The following FBN1 variants were observed in gnomAD, a reference collection of about 807,000 sequenced individuals.
FBN1 encodes fibrillin-1.
In FBN1, 29 loss-of-function variants were observed where a neutral mutation model predicts 365.1. That is an observed-to-expected ratio of 0.08 (90% confidence interval 0.06 to 0.11). The LOEUF (loss-of-function observed/expected upper bound fraction) is 0.11. Among genes scored for constraint, FBN1 ranks in the 10% least tolerant of loss-of-function variants. FBN1 has a pLI of 1.00. For missense variants in FBN1, 2,476 were observed against 3,703.2 expected (o/e 0.67, Z 8.60); for synonymous variants, 1,210 against 1,270.5 (o/e 0.95, Z 1.01).
intron 6 of FBN1, among the ~76,000 whole-genome samples, chr15:48,576,064 A>C (rs1297722606): frequency 6.6e-6 from 1 of 152,156 alleles, no homozygotes; most frequent in African/African-American, 2.4e-5. Flanking sequence ...ACTTGTCTGA[A>C]GTATTATGAA....
chr15:48,628,726 G>A (rs1889931619), intron 2 of FBN1, among the ~76,000 whole-genome samples: 1 of 152,108 alleles, frequency 6.6e-6, no homozygotes, highest in African/African-American at 2.4e-5. Context: ...TTCAAAACTA[G>A]GAGTAAAACT....
chr15:48,448,728 C>G, intron 46 of FBN1, 40 bp downstream of exon 46: 1 of 1,594,942 alleles, frequency 6.3e-7, no homozygotes, highest in Non-Finnish European at 8.6e-7. Flanking sequence ...ATGAAGCTTT[C>G]AACAGCATAT....
chr15:48,602,571 C>A (rs2044575800), intron 4 of FBN1, among the ~76,000 whole-genome samples: 2 of 152,252 alleles, frequency 1.3e-5, no homozygotes, highest in South Asian at 4.1e-4. Context: ...ACTTATACAG[C>A]CCTACTAAGT....
chr15:48,487,335 G>A lies in FBN1; in HGVS notation c.3440C>T (p.Ser1147Phe). ...RCECPPGHQL[S>F]PNISACIDIN... ...ACCGATACACGCGGAGATGTTGGGG[G>A]ACAGCTGATGGCCAGGCGGGCATTC... is the stretch of plus-strand genomic sequence containing the variant. The change falls in exon 28 of 66, where the codon TCC (serine) becomes TTC (phenylalanine). Residue 1147 changes from serine (S) to phenylalanine (F), a missense_variant. This residue lies in a region of FBN1 where 1,780 missense variants were observed against 2,840.8 expected (regional missense o/e 0.63). Transcript: ENST00000316623. The A allele has an allele frequency of 6.2e-7, 1 of 1,614,218 alleles. No individual in the cohort carries two copies. The highest frequency in any genetic ancestry group is 8.5e-7 in the Non-Finnish European group (1 of 1,180,030).
chr15:48,467,887 G>C (rs538825445), intron 38 of FBN1, 51 bp downstream of exon 38: 2 of 1,516,262 alleles, frequency 1.3e-6, no homozygotes, highest in African/African-American at 2.7e-5. Context: ...GATCTAGAAA[G>C]GAGAACTGGC....
chr15:48,499,240 T>C (rs745610026), intron 17 of FBN1, among the ~76,000 whole-genome samples: 2 of 152,192 alleles, frequency 1.3e-5, no homozygotes, highest in Non-Finnish European at 2.9e-5. Flanking sequence ...AAAACAACTT[T>C]TAAGGATACA....
At chr15:48,453,825 A>G (rs888850010) in intron 44 of FBN1, among the ~76,000 whole-genome samples, 1 of 152,110 alleles carries the variant, frequency 6.6e-6, no homozygotes, top group African/African-American at 2.4e-5. Flanking sequence ...CTAGAAAATA[A>G]AGTCTATTAA....
intron 6 of FBN1, among the ~76,000 whole-genome samples, chr15:48,555,220 C>T (rs1460191164): frequency 1.3e-5 from 2 of 152,058 alleles, no homozygotes; most frequent in Non-Finnish European, 2.9e-5. Flanking sequence ...AATCTGTGCT[C>T]GGTTAAAAAC....
intron 29 of FBN1, among the ~76,000 whole-genome samples, chr15:48,486,279 T>C (rs1490296471): frequency 6.6e-6 from 1 of 152,228 alleles, no homozygotes; most frequent in Non-Finnish European, 1.5e-5. Flanking sequence ...GAGTTGAAGT[T>C]CTGAGTTGTC....
intron 23 of FBN1, 21 bp from the exon 24 acceptor site, chr15:48,492,607 T>C (rs576077899): frequency 1.3e-6 from 2 of 1,482,552 alleles, no homozygotes; most frequent in East Asian, 2.4e-5. Flanking sequence ...AAAAAAAGTA[T>C]AAAGTTAATA....
intron 54 of FBN1, among the ~76,000 whole-genome samples, chr15:48,433,381 C>T (rs553837936): frequency 1.3e-5 from 2 of 152,228 alleles, no homozygotes; most frequent in Admixed American, 6.5e-5. Context: ...TCAGTTTTGC[C>T]CCATTCCGCC....
intron 17 of FBN1, among the ~76,000 whole-genome samples, chr15:48,500,357 C>T (rs1312485990): frequency 1.3e-5 from 2 of 152,166 alleles, no homozygotes; most frequent in East Asian, 3.9e-4. Flanking sequence ...GGATCTGGTA[C>T]TAGACCATTT....
chr15:48,435,064 T>A (rs2043055599), intron 53 of FBN1, among the ~76,000 whole-genome samples: 1 of 151,176 alleles, frequency 6.6e-6, no homozygotes, highest in Non-Finnish European at 1.5e-5. Flanking sequence ...CCCAAAGTGC[T>A]GAGATTAAAG....
rs3074895 is a variant in FBN1, at chr15:48,456,843, C to CGTGTGT, written c.5297-87_5297-82dup. ...GGTAAGACAAGATGGAAAGTGCGTGCGTGTGTGTGTGTGTGTGTGTGTGTG... is the reference window on the plus strand; with the variant it reads ...GGTAAGACAAGATGGAAAGTGCGTGCGTGTGTGTGTGTGTGTGTGTGTGTGTGTGTG... On this transcript the variant is annotated intron_variant, in intron 43 of 65. Coordinates refer to ENST00000316623, the MANE Select transcript of FBN1 (RefSeq NM_000138.5). 34,433 of 741,570 alleles carry CGTGTGT rather than the reference C, an allele frequency of 0.046. 485 individuals carry two copies. Among genetic ancestry groups the CGTGTGT allele is most frequent in the African/African-American group, 0.069 (3,694 of 53,528 alleles). 45.9% of individuals were successfully genotyped at this position (741,570 alleles called of 1,614,324 possible).
At chr15:48,432,834 T>C in intron 55 of FBN1, 32 bp downstream of exon 55, 1 of 1,612,916 alleles carries the variant, frequency 6.2e-7, no homozygotes, top group Middle Eastern at 1.7e-4. Flanking sequence ...TAAAGCTTCC[T>C]GGCTTAGATG....
chr15:48,487,548 G>A, intron 27 of FBN1, 111 bp from the exon 28 acceptor site: 1 of 1,459,846 alleles, frequency 6.9e-7, no homozygotes, highest in Non-Finnish European at 9.5e-7. Flanking sequence ...CTTGTCTCAA[G>A]GTGGGACAAC....
chr15:48,567,910 A>G (rs970133883), intron 6 of FBN1, among the ~76,000 whole-genome samples: 1 of 151,886 alleles, frequency 6.6e-6, no homozygotes, highest in Non-Finnish European at 1.5e-5. Context: ...CAAGATAAGG[A>G]TATCAGTTCT....
At chr15:48,501,867 G>C (rs2043661591) in intron 17 of FBN1, among the ~76,000 whole-genome samples, 1 of 152,142 alleles carries the variant, frequency 6.6e-6, no homozygotes, top group Non-Finnish European at 1.5e-5. Context: ...TAAAGTTATA[G>C]GCAAATGTCT....
In FBN1 at chr15:48,503,312, A is replaced by AAAAG. The variant is rs1205118785; in HGVS notation, c.2113+474_2113+475insCTTT. Among the ~76,000 whole-genome samples the AAAAG allele has an allele frequency of 1.0e-4, 15 of 145,250 alleles. No individual in the cohort carries two copies. The East Asian group carries it at 1.4e-3, about 14-fold the overall frequency. ...ACTCCATCTCAAAAAAAAAAAAAAAAAAGAAGAAGAAGAAGAAGAAAGAAA... is the reference window on the plus strand; with the variant it reads ...ACTCCATCTCAAAAAAAAAAAAAAAAAAAGAAGAAGAAGAAGAAGAAGAAAGAAA... On this transcript the variant is annotated intron_variant, in intron 17 of 65. Coordinates refer to ENST00000316623, the MANE Select transcript of FBN1 (RefSeq NM_000138.5).
Sources: gnomAD v4.1 joint callset for allele counts (sites outside exome capture counted in the v4.1 genomes callset) on GRCh38, gnomAD v4.1.1 for gene constraint, gnomAD v4.1.1 regional missense constraint, MANE v1.5 for transcripts, NCBI Gene and HGNC (gene_info 2026-07-23, HGNC 2026-07-21) for gene names.